Variants in RGS22 observed in about 807,000 individuals in gnomAD.
RGS22 encodes regulator of G protein signaling 22, also known as regulator of G-protein signaling 22.
Under a neutral mutation model 172.9 loss-of-function variants are expected in RGS22, and 148 were observed. The ratio of observed to expected loss-of-function variants is 0.86; its 90% CI spans 0.75 to 0.98. RGS22 has a LOEUF of 0.98. Ranked by LOEUF, RGS22 falls within the 50% of genes least tolerant of loss-of-function variation. The pLI is 0.00. For synonymous variants in RGS22, 458 were observed against 480.2 expected, an observed-to-expected ratio of 0.95 and a Z score of 0.60; for missense variants, 1,347 against 1,440.8, an observed-to-expected ratio of 0.93 and a Z score of 1.05.
At chr8:99,996,699 C>A (rs969096368) in intron 19 of RGS22, among the ~76,000 whole-genome samples, 169 bp from the exon 20 acceptor site, 3 of 152,028 alleles carry the variant, frequency 2.0e-5, no homozygotes, top group Non-Finnish European at 4.4e-5. Flanking sequence ...GGTCAGGTAC[C>A]AAATTTTTCT....
intron 6 of RGS22, among the ~76,000 whole-genome samples, chr8:100,068,333 A>G (rs1763038516): frequency 6.6e-6 from 1 of 152,152 alleles, no homozygotes; most frequent in Admixed American, 6.5e-5. Context: ...GCAATGAGCC[A>G]TGATTGCATC....
chr8:100,049,485 C>T (rs1821058251), intron 10 of RGS22, among the ~76,000 whole-genome samples: 1 of 152,090 alleles, frequency 6.6e-6, no homozygotes, highest in African/African-American at 2.4e-5. Flanking sequence ...AGGTTTATAC[C>T]ACTTTTTCAC....
At chr8:99,971,406 G>T (rs922855829) in intron 23 of RGS22, among the ~76,000 whole-genome samples, 2 of 152,116 alleles carry the variant, frequency 1.3e-5, no homozygotes, top group Non-Finnish European at 2.9e-5. Context: ...GAAATAAAGG[G>T]TATTCAAATA....
rs1809683223 is a variant in RGS22 at position 100,056,999 on chromosome 8, G to C, written c.1515-4023C>G. 2.0e-5 allele frequency among the ~76,000 whole-genome samples: 3 copies of C among 152,218 alleles called. No homozygotes were observed. The South Asian group carries it at 6.2e-4, about 31-fold the overall frequency. The stretch of plus-strand genomic sequence containing the variant: ...CCAGCCCATGAAGGCAGTCGGGAGG[G>C]AGGCCATACACTGCAAAGCCACAGG... On this transcript the variant is annotated intron_variant, in intron 9 of 27. Coordinates refer to ENST00000360863, the MANE Select transcript of RGS22 (RefSeq NM_015668.5).
chr8:99,974,110 C>T (rs1811665108), intron 23 of RGS22, among the ~76,000 whole-genome samples: 2 of 152,256 alleles, frequency 1.3e-5, no homozygotes, highest in South Asian at 4.1e-4. Context: ...TAATTTGTAT[C>T]TTTTCTGATC....
chr8:99,985,309 A>G (rs528612202), intron 21 of RGS22, among the ~76,000 whole-genome samples: 1 of 152,366 alleles, frequency 6.6e-6, no homozygotes, highest in South Asian at 2.1e-4. Context: ...TATCTGGCAC[A>G]TAGTAAACAC....
intron 23 of RGS22, among the ~76,000 whole-genome samples, chr8:99,969,487 G>A (rs1013830111): frequency 1.1e-4 from 16 of 152,036 alleles, no homozygotes; most frequent in South Asian, 4.2e-4. Context: ...GCTGTATCCC[G>A]GAGACCCATC....
In RGS22 at chr8:99,975,988, G is replaced by A. The variant is rs186520381; in HGVS notation, c.3519+1929C>T. On this transcript the variant is annotated intron_variant, in intron 23 of 27. Transcript: ENST00000360863. Reference sequence around the variant, plus strand: ...GCGGATCACTGGAGGTCAAGAGTTCGCGACCAGCATGGCCAACATGGTGAA... The same window carrying A: ...GCGGATCACTGGAGGTCAAGAGTTCACGACCAGCATGGCCAACATGGTGAA... Among the ~76,000 whole-genome samples, 140 of 152,188 alleles carry A rather than the reference G, an allele frequency of 9.2e-4. 3 individuals carry two copies. Among genetic ancestry groups the A allele is most frequent in the East Asian group, 6.8e-3 (35 of 5,154 alleles).
At chr8:100,003,701 C>T (rs1036323601) in intron 17 of RGS22, among the ~76,000 whole-genome samples, 1 of 152,088 alleles carries the variant, frequency 6.6e-6, no homozygotes, top group Non-Finnish European at 1.5e-5. Context: ...CTGAAAGTAT[C>T]AACATATGTA....
At chr8:100,055,356 G>A (rs942813995) in intron 9 of RGS22, among the ~76,000 whole-genome samples, 12 of 152,200 alleles carry the variant, frequency 7.9e-5, no homozygotes, top group Non-Finnish European at 1.5e-4. Flanking sequence ...GGGGTCCAGA[G>A]GATTCTCCCA....
At position 100,080,326 on chromosome 8, in the gene RGS22, T is replaced by C. The variant is rs1811661384; in HGVS notation, c.147A>G (p.Ala49=). Residue 49 remains alanine, a synonymous_variant, in exon 4 of 28, where the codon GCA becomes GCG. Transcript: ENST00000360863. ...TAGCTACTTCAAAAACTCCATAATC[T>C]GCATTAAATCTAATTGCCTCTGAAA... The part of the protein sequence containing the change: ...PTFSEAIRFN[A]DYGVFEVAND... The C allele has an allele frequency of 1.9e-6, 3 of 1,612,830 alleles. No individual in the cohort carries two copies. Among genetic ancestry groups the C allele is most frequent in the South Asian group, 2.2e-5 (2 of 90,948 alleles).
At chr8:100,042,408 C>T (rs1210045213) in intron 11 of RGS22, among the ~76,000 whole-genome samples, 1 of 152,048 alleles carries the variant, frequency 6.6e-6, no homozygotes, top group African/African-American at 2.4e-5. Context: ...AAGACACTAA[C>T]ATTAAAAAGT....
intron 3 of RGS22, among the ~76,000 whole-genome samples, chr8:100,083,037 C>T (rs533241026): frequency 8.5e-5 from 13 of 152,296 alleles, no homozygotes; most frequent in African/African-American, 2.6e-4. Flanking sequence ...TTAACAAGTA[C>T]GGGCTTTATC....
At chr8:100,014,226 G>C (rs1415673701) in intron 14 of RGS22, among the ~76,000 whole-genome samples, 1 of 152,166 alleles carries the variant, frequency 6.6e-6, no homozygotes, top group Non-Finnish European at 1.5e-5. Context: ...TGTTCCTCCA[G>C]AGCCTGTAAC....
intron 13 of RGS22, 62 bp from the exon 14 acceptor site, chr8:100,039,094 T>A: frequency 1.2e-6 from 1 of 853,772 alleles, no homozygotes; most frequent in Non-Finnish European, 1.8e-6. Context: ...TACAAAGCTC[T>A]AATTTCAAAT....
chr8:100,076,117 G>C (rs1309514622), intron 4 of RGS22, among the ~76,000 whole-genome samples: 1 of 152,032 alleles, frequency 6.6e-6, no homozygotes, highest in Non-Finnish European at 1.5e-5. Context: ...TTATAGTTTA[G>C]ATACACATCC....
intron 21 of RGS22, among the ~76,000 whole-genome samples, chr8:99,986,382 G>A (rs1813101632): frequency 6.6e-6 from 1 of 152,166 alleles, no homozygotes; most frequent in African/African-American, 2.4e-5. Context: ...TTGAGCAACT[G>A]TATTAGTGTC....
intron 4 of RGS22, among the ~76,000 whole-genome samples, chr8:100,072,781 G>A (rs1413650621): frequency 2.6e-5 from 4 of 151,260 alleles, no homozygotes; most frequent in African/African-American, 9.7e-5. Context: ...AGCCTACAGA[G>A]ACACTCAACT....
At chr8:99,999,550 A>G (rs1325242173) in intron 18 of RGS22, 130 bp from the exon 19 acceptor site, 1 of 819,794 alleles carries the variant, frequency 1.2e-6, no homozygotes. Context: ...TTTTCTGTAT[A>G]ACATCTCCTG....
Sources: allele counts gnomAD v4.1 joint callset (sites outside exome capture counted in the v4.1 genomes callset), GRCh38; gene constraint gnomAD v4.1.1; transcripts MANE v1.5; gene names NCBI Gene and HGNC (gene_info 2026-07-23, HGNC 2026-07-21).